RAB2A: variants seen among roughly 807,000 people sequenced by gnomAD.
The protein encoded by RAB2A is ras-related protein Rab-2A.
A neutral mutation model predicts 32.5 loss-of-function variants in RAB2A; 7 were observed. The observed-to-expected ratio is 0.22, with a 90% CI of 0.12 to 0.40. The LOEUF is 0.40. RAB2A is among the 10% of genes least tolerant of loss of function. RAB2A has a pLI of 1.00. For synonymous variants in RAB2A, 79 were observed against 85.2 expected (o/e 0.93, Z 0.40); for missense variants, 108 against 260.7 (o/e 0.41, Z 4.03).
chr8:60,552,001 G>GTTTTTTTTTGTTTT (rs1807857186), intron 1 of RAB2A: 1 of 109,750 alleles, frequency 9.1e-6, no homozygotes, highest in East Asian at 3.0e-4. Flanking sequence ...GTAGCTGGGA[G>GTTTTTTTTTGTTTT]TTTTTTTTTT....
At chr8:60,556,960 C>A (rs1205350166) in intron 1 of RAB2A, among the ~76,000 whole-genome samples, 2 of 152,124 alleles carry the variant, frequency 1.3e-5, no homozygotes, top group Non-Finnish European at 2.9e-5. Context: ...AACTTTCACA[C>A]CTTTTAAAAG....
At chr8:60,565,267 A>G (rs896041435) in intron 2 of RAB2A, among the ~76,000 whole-genome samples, 3 of 152,068 alleles carry the variant, frequency 2.0e-5, no homozygotes, top group Non-Finnish European at 4.4e-5. Flanking sequence ...AAAAGTTTAA[A>G]AACTAGTCAG....
At chr8:60,608,460 G>A (rs1446107633) in intron 6 of RAB2A, among the ~76,000 whole-genome samples, 4 of 138,414 alleles carry the variant, frequency 2.9e-5, no homozygotes, top group South Asian at 2.3e-4. Flanking sequence ...GTGTCTCCCC[G>A]CCCCCGGTCC....
intron 6 of RAB2A, among the ~76,000 whole-genome samples, chr8:60,596,767 A>G (rs896141824): frequency 1.3e-5 from 2 of 152,118 alleles, no homozygotes; most frequent in African/African-American, 4.8e-5. Flanking sequence ...TAAAAATATA[A>G]AAAATTAGCC....
intron 6 of RAB2A, among the ~76,000 whole-genome samples, chr8:60,595,344 G>A (rs949697963): frequency 1.1e-4 from 17 of 152,156 alleles, no homozygotes; most frequent in African/African-American, 3.6e-4. Flanking sequence ...TTAGCCCACA[G>A]GAAGGCAGGA....
rs551587783 is a variant in RAB2A, at chr8:60,618,668, G to A, written c.543+20G>A. The A allele has an allele frequency of 5.2e-6, 5 of 954,454 alleles. No individual in the cohort carries two copies. In the African/African-American group the frequency reaches 8.5e-5, roughly 16 times the overall value. The allele number at this position is 954,454 out of a possible 1,614,324, so 59.1% of individuals were successfully genotyped here. A position where few individuals can be genotyped will look rare whatever the true frequency, so the allele number is the denominator to read the frequency against. On this transcript the variant is annotated intron_variant, in intron 7 of 7. Coordinates refer to ENST00000262646, the MANE Select transcript of RAB2A (RefSeq NM_002865.3). ...AATGAGGTATATACATATAAATATTGTTGGTCAATATTAATTTAGAGTTCA... is the reference window on the plus strand; with the variant it reads ...AATGAGGTATATACATATAAATATTATTGGTCAATATTAATTTAGAGTTCA...
At chr8:60,561,526 T>A (rs1808025786) in intron 2 of RAB2A, among the ~76,000 whole-genome samples, 1 of 152,144 alleles carries the variant, frequency 6.6e-6, no homozygotes, top group Non-Finnish European at 1.5e-5. Context: ...TGTCTCCCAT[T>A]CTCTTCTCAT....
intron 2 of RAB2A, among the ~76,000 whole-genome samples, chr8:60,564,967 T>C (rs1163759636): frequency 6.6e-6 from 1 of 152,270 alleles, no homozygotes; most frequent in Non-Finnish European, 1.5e-5. Context: ...GTTATACTAT[T>C]CAGTTATGTT....
chr8:60,555,575 T>C (rs7012181), intron 1 of RAB2A, among the ~76,000 whole-genome samples: 83,340 of 151,994 alleles, frequency 0.55, 26,373 homozygotes, highest in African/African-American at 0.88. Context: ...CTAAAGAAGA[T>C]ACACAAATGG....
intron 1 of RAB2A, among the ~76,000 whole-genome samples, chr8:60,556,392 G>A (rs923456708): frequency 2.0e-5 from 3 of 152,074 alleles, no homozygotes; most frequent in Non-Finnish European, 4.4e-5. Context: ...AATGATAAAT[G>A]TTTGAGGTGA....
At chr8:60,584,480 C>T (rs909719735) in intron 4 of RAB2A, among the ~76,000 whole-genome samples, 190 bp downstream of exon 4, 2 of 152,178 alleles carry the variant, frequency 1.3e-5, no homozygotes, top group African/African-American at 2.4e-5. Context: ...TTTGAATTAG[C>T]ACCTTCAAAT....
intron 5 of RAB2A, among the ~76,000 whole-genome samples, chr8:60,586,039 A>T (rs933341179): frequency 2.6e-5 from 4 of 152,188 alleles, no homozygotes; most frequent in Non-Finnish European, 5.9e-5. Flanking sequence ...AGTGGCTCAC[A>T]CCTGTGATCC....
intron 6 of RAB2A, among the ~76,000 whole-genome samples, chr8:60,611,162 T>C (rs1804340055): frequency 6.6e-6 from 1 of 152,218 alleles, no homozygotes. Context: ...GGGTCATTGC[T>C]CTGGACTCCT....
chr8:60,535,042 G>A (rs933473849), intron 1 of RAB2A, among the ~76,000 whole-genome samples: 2 of 152,028 alleles, frequency 1.3e-5, no homozygotes, highest in East Asian at 1.9e-4. Flanking sequence ...ATTTTCAGCC[G>A]TAGCCATGAA....
At chr8:60,534,433 C>T (rs1158892871) in intron 1 of RAB2A, among the ~76,000 whole-genome samples, 1 of 152,142 alleles carries the variant, frequency 6.6e-6, no homozygotes, top group Non-Finnish European at 1.5e-5. Context: ...TGTGAATAGC[C>T]ACTGCCCTCC....
At chr8:60,547,348 TCC>T (rs891829540) in intron 1 of RAB2A, among the ~76,000 whole-genome samples, 2 of 151,944 alleles carry the variant, frequency 1.3e-5, no homozygotes, top group Admixed American at 6.6e-5. Context: ...TCCCCACCTT[TCC>T]CCCCTTTCTA....
At chr8:60,572,365 T>C (rs1317490584) in intron 3 of RAB2A, among the ~76,000 whole-genome samples, 1 of 152,198 alleles carries the variant, frequency 6.6e-6, no homozygotes, top group Non-Finnish European at 1.5e-5. Context: ...TAAATTGAAA[T>C]GCTCTAGAAA....
intron 1 of RAB2A, among the ~76,000 whole-genome samples, chr8:60,526,981 A>AG (rs1224275274): frequency 6.6e-6 from 1 of 152,082 alleles, no homozygotes; most frequent in East Asian, 1.9e-4. Flanking sequence ...AAAAAAAAAA[A>AG]AAAAAAGAAG....
intron 1 of RAB2A, chr8:60,552,110 TCTC>T (rs1031141783): frequency 5.8e-5 from 1 of 17,390 alleles, no homozygotes; most frequent in African/African-American, 3.4e-4. Context: ...TTCAAGCGAT[TCTC>T]CTGCCTCAGC....
Sources: allele counts gnomAD v4.1 joint callset (sites outside exome capture counted in the v4.1 genomes callset), GRCh38; gene constraint gnomAD v4.1.1; transcripts MANE v1.5; gene names NCBI Gene and HGNC (gene_info 2026-07-23, HGNC 2026-07-21).